CARS1: variants seen among roughly 807,000 people sequenced by gnomAD.
The protein encoded by CARS1 is cysteinyl-tRNA synthetase 1.
A neutral mutation model predicts 106.2 loss-of-function variants in CARS1; 48 were observed. The ratio of observed to expected loss-of-function variants is 0.45; its 90% CI spans 0.36 to 0.57. The LOEUF is 0.57. Ranked by LOEUF, CARS1 falls within the 20% of genes least tolerant of loss-of-function variation. The pLI, the probability that CARS1 is intolerant of heterozygous loss-of-function variation, is 0.00. For synonymous variants in CARS1, 409 were observed against 403.4 expected (o/e 1.01, Z -0.17); for missense variants, 968 against 1,057.2 (o/e 0.92, Z 1.17).
chr11:3,044,695 T>C lies in CARS1; in HGVS notation c.275-2439A>G, dbSNP rs1854900399. On this transcript the variant is annotated intron_variant, in intron 2 of 22. Coordinates refer to ENST00000380525, the MANE Select transcript of CARS1 (RefSeq NM_001014437.3). The surrounding 1 kb of genome is among the most constrained non-coding windows in gnomAD (Gnocchi z 4.4). ...CAGGTGTGAGCCACCGCGCCTGGCC[T>C]GTGCTTTTGTTTCTTTGGAAAAAAT... 6.6e-6 allele frequency among the ~76,000 whole-genome samples: 1 copy of C among 151,650 alleles called. No individual in the cohort carries two copies. Among genetic ancestry groups the C allele is most frequent in the Non-Finnish European group, 1.5e-5 (1 of 67,972 alleles).
Position 3,045,118 on chromosome 11 carries a change from C to A in CARS1, c.274+2635G>T, listed in dbSNP as rs1272466121. 6.6e-6 allele frequency among the ~76,000 whole-genome samples: 1 copy of A among 152,108 alleles called. No homozygotes were observed. The highest frequency in any genetic ancestry group is 1.5e-5 in the Non-Finnish European group (1 of 68,020). On this transcript the variant is annotated intron_variant, in intron 2 of 22. Transcript: ENST00000380525. This position sits in a 1 kb window ranked among gnomAD's most constrained non-coding sequence, Gnocchi z 5.6. ...GGCTGGAAGGGCTGAGCCTCCACTG[C>A]GGGTGAGAAGTGCTCAACAAGTTCA...
rs763050143 is a variant in CARS1, at chr11:3,002,592, C to G, written c.2226G>C (p.Glu742Asp). ...CCTCCTCTTTCTTCTTCCTCTTCTC[C>G]TCTTCAACCTGGAGGGTCAATACAG... ...KEREEKRRVEEEKRKKKEEAA... is the reference protein window; with the variant it reads ...KEREEKRRVEDEKRKKKEEAA... The change falls in exon 21 of 23, where the codon GAG becomes GAC. Residue 742 changes from glutamate (E) to aspartate (D), a missense_variant. Coordinates refer to ENST00000380525, the MANE Select transcript of CARS1 (RefSeq NM_001014437.3). 3.7e-6 allele frequency: 6 copies of G among 1,614,064 alleles called. No homozygotes were observed. In the East Asian group the frequency reaches 1.1e-4, roughly 30 times the overall value.
Position 3,029,094 on chromosome 11 carries a change from A to C in CARS1, c.943-10T>G. The C allele has an allele frequency of 2.5e-6, 4 of 1,597,206 alleles. No homozygotes were observed. Among genetic ancestry groups the C allele is most frequent in the Non-Finnish European group, 3.4e-6 (4 of 1,164,588 alleles). Reference sequence around the variant, plus strand: ...CATCTGGAGGGAGAACCTGTGCAAGACATGAGAATGTCCTGGGATTTTCCC... The same window carrying C: ...CATCTGGAGGGAGAACCTGTGCAAGCCATGAGAATGTCCTGGGATTTTCCC... On this transcript the variant is annotated splice_polypyrimidine_tract_variant and intron_variant, in intron 8 of 22. Transcript: ENST00000380525. The surrounding 1 kb of genome is among the most constrained non-coding windows in gnomAD (Gnocchi z 5.9).
intron 1 of CARS1, among the ~76,000 whole-genome samples, chr11:3,056,184 C>G (rs537875446): frequency 2.0e-5 from 3 of 152,316 alleles, no homozygotes; most frequent in Admixed American, 2.0e-4. Context: ...CTATCTATAA[C>G]CCAATAAACC....
intron 7 of CARS1, among the ~76,000 whole-genome samples, chr11:3,035,165 G>A (rs1317528294): frequency 2.6e-5 from 4 of 152,178 alleles, no homozygotes; most frequent in Non-Finnish European, 5.9e-5. Context: ...TTCAGCATGA[G>A]TTTTGGAGGG....
chr11:3,028,507 G>A lies in CARS1; in HGVS notation c.1031+489C>T, dbSNP rs1333760179. On this transcript the variant is annotated intron_variant, in intron 9 of 22. Transcript: ENST00000380525. The surrounding 1 kb of genome is among the most constrained non-coding windows in gnomAD (Gnocchi z 4.4). The stretch of plus-strand genomic sequence containing the variant: ...GCATTTCCATTTGTTGGCCATTTCT[G>A]AAAATGCTTACTTTGGAGATTGAGA... 2 of 220,064 alleles carry A rather than the reference G, an allele frequency of 9.1e-6. No individual in the cohort carries two copies. 13.6% of individuals were successfully genotyped at this position (220,064 alleles called of 1,614,324 possible). A position where few individuals can be genotyped will look rare whatever the true frequency, so the allele number is the denominator to read the frequency against.
rs1462422560 is a variant in CARS1 at position 3,004,577 on chromosome 11, G to A, written c.2217+789C>T. Among the ~76,000 whole-genome samples the A allele has an allele frequency of 6.6e-6, 1 of 152,192 alleles. No homozygotes were observed. Among genetic ancestry groups the A allele is most frequent in the African/African-American group, 2.4e-5 (1 of 41,460 alleles). On this transcript the variant is annotated intron_variant, in intron 20 of 22. Transcript: ENST00000380525. This position sits in a 1 kb window ranked among gnomAD's most constrained non-coding sequence, Gnocchi z 5.2. The stretch of plus-strand genomic sequence containing the variant: ...TCCCATGGTGTGCACTGGGGGCCCA[G>A]GTGCCTCTCATCCTGCTGCCTGCAT...
rs550639854 is a variant in CARS1, at chr11:3,033,007, G to T, written c.802-3564C>A. The stretch of plus-strand genomic sequence containing the variant: ...GTGAGGTGGGTAGGGGATATATATA[G>T]CCTCTCAATTCTGATGTGAACCAGA... On this transcript the variant is annotated intron_variant, in intron 7 of 22. Coordinates refer to ENST00000380525, the MANE Select transcript of CARS1 (RefSeq NM_001014437.3). 2.6e-5 allele frequency among the ~76,000 whole-genome samples: 4 copies of T among 151,436 alleles called. No individual in the cohort carries two copies. In the East Asian group the frequency reaches 5.8e-4, roughly 22 times the overall value.
chr11:3,055,776 A>C (rs559032950), intron 1 of CARS1, among the ~76,000 whole-genome samples: 18 of 152,266 alleles, frequency 1.2e-4, no homozygotes, highest in Non-Finnish European at 2.2e-4. Context: ...GAAAACAAAC[A>C]GGCCCTAACT....
rs1470671113 is a variant in CARS1 at position 3,044,972 on chromosome 11, T to C, written c.275-2716A>G. Among the ~76,000 whole-genome samples, 2 of 151,964 alleles carry C rather than the reference T, an allele frequency of 1.3e-5. No individual in the cohort carries two copies. Among genetic ancestry groups the C allele is most frequent in the Non-Finnish European group, 2.9e-5 (2 of 68,002 alleles). On this transcript the variant is annotated intron_variant, in intron 2 of 22. Transcript: ENST00000380525. The surrounding 1 kb of genome is among the most constrained non-coding windows in gnomAD (Gnocchi z 4.4). The stretch of plus-strand genomic sequence containing the variant: ...AGTTAAGGGTCCTCCATCGGAGGGG[T>C]GAGAGCAACACCAAACCTTCATGTT...
rs1422584249 is a variant in CARS1, at chr11:3,052,445, CAG to C, written c.26-4446_26-4445del. Reference sequence around the variant, plus strand: ...TATTGTAATAGCCGCATGCTACACACAGAGAATTTCCTGGAGTTTTCCTAGGG... The same window carrying C: ...TATTGTAATAGCCGCATGCTACACACAGAATTTCCTGGAGTTTTCCTAGGG... On this transcript the variant is annotated intron_variant, in intron 1 of 22. Transcript: ENST00000380525. The surrounding 1 kb of genome is among the most constrained non-coding windows in gnomAD (Gnocchi z 4.6). Among the ~76,000 whole-genome samples the C allele has an allele frequency of 6.6e-6, 1 of 152,228 alleles. No homozygotes were observed.
rs1851491278 is a variant in CARS1 at position 3,020,694 on chromosome 11, A to T, written c.1154-362T>A. The stretch of plus-strand genomic sequence containing the variant: ...CTGGGCTAAAGCTAGGAGGTGACAT[A>T]GTGGTGCAGCCACTGGGGCATGGCT... On this transcript the variant is annotated intron_variant, in intron 10 of 22. Coordinates refer to ENST00000380525, the MANE Select transcript of CARS1 (RefSeq NM_001014437.3). The surrounding 1 kb of genome is among the most constrained non-coding windows in gnomAD (Gnocchi z 4.6). 6.6e-6 allele frequency among the ~76,000 whole-genome samples: 1 copy of T among 152,192 alleles called. No individual in the cohort carries two copies.
intron 7 of CARS1, among the ~76,000 whole-genome samples, chr11:3,033,051 CTTTTT>C (rs907703020): frequency 6.9e-6 from 1 of 145,438 alleles, no homozygotes; most frequent in Non-Finnish European, 1.5e-5. Context: ...TAAAAAAAAA[CTTTTT>C]TTTTTTCTAA....
chr11:3,025,862 C>T (rs559221169), intron 10 of CARS1, among the ~76,000 whole-genome samples: 2 of 152,310 alleles, frequency 1.3e-5, no homozygotes, highest in African/African-American at 4.8e-5. Context: ...ATGCATCACT[C>T]GGCACACATC....
chr11:3,007,037 G>T, intron 18 of CARS1, 78 bp from the exon 19 acceptor site: 1 of 1,210,014 alleles, frequency 8.3e-7, no homozygotes, highest in Non-Finnish European at 1.2e-6. Context: ...CCAGTGCTGG[G>T]GAAGGAGGGG....
Position 3,040,807 on chromosome 11 carries a change from T to C in CARS1, c.455+89A>G, listed in dbSNP as rs939944233. The C allele has an allele frequency of 6.9e-6, 9 of 1,312,490 alleles. No individual in the cohort carries two copies. In the African/African-American group the frequency reaches 1.0e-4, roughly 15 times the overall value. 81.3% of individuals were successfully genotyped at this position (1,312,490 alleles called of 1,614,324 possible). A position where few individuals can be genotyped will look rare whatever the true frequency, so the allele number is the denominator to read the frequency against. On this transcript the variant is annotated intron_variant, in intron 4 of 22. Coordinates refer to ENST00000380525, the MANE Select transcript of CARS1 (RefSeq NM_001014437.3). The surrounding 1 kb of genome is among the most constrained non-coding windows in gnomAD (Gnocchi z 5.8). The stretch of plus-strand genomic sequence containing the variant: ...CTCTGTAGCAGATCTAAGATCTTTG[T>C]GGACCTAAGATCGCTGCTGTGGATC...
Position 3,029,058 on chromosome 11 carries a change from C to G in CARS1, c.969G>C (p.Arg323=), listed in dbSNP as rs776866067. The stretch of plus-strand genomic sequence containing the variant: ...CAATTTCTGGCACATACTCACTAAC[C>G]CGGGTTAAGACATCTGGAGGGAGAA... ...LNVLPPDVLT[R]VSEYVPEIVN... Residue 323 remains arginine (R), a synonymous_variant, in exon 9 of 23, where the codon CGG becomes CGC. Transcript: ENST00000380525. This position sits in a 1 kb window ranked among gnomAD's most constrained non-coding sequence, Gnocchi z 5.9. 1 of 1,613,852 alleles carries G rather than the reference C, an allele frequency of 6.2e-7. No homozygotes were observed. The highest frequency in any genetic ancestry group is 1.7e-5 in the Admixed American group (1 of 60,024).
chr11:3,007,005 G>GC, intron 18 of CARS1, 46 bp from the exon 19 acceptor site: 4 of 1,500,086 alleles, frequency 2.7e-6, no homozygotes, highest in Non-Finnish European at 3.7e-6. Context: ...AGGAGCCAGG[G>GC]CCCACACAAC....
rs1565070883 is a variant in CARS1 at position 3,030,234 on chromosome 11, C to T, written c.802-791G>A. Reference sequence around the variant, plus strand: ...GAGAGAAAAAGTGTAGGAAAATGGCCTGGCAGACAGCAAGGACACAGGGTG... The same window carrying T: ...GAGAGAAAAAGTGTAGGAAAATGGCTTGGCAGACAGCAAGGACACAGGGTG... On this transcript the variant is annotated intron_variant, in intron 7 of 22. Coordinates refer to ENST00000380525, the MANE Select transcript of CARS1 (RefSeq NM_001014437.3). This position sits in a 1 kb window ranked among gnomAD's most constrained non-coding sequence, Gnocchi z 5.7. 1 of 152,258 alleles carries T rather than the reference C, an allele frequency of 6.6e-6. No individual in the cohort carries two copies. Among genetic ancestry groups the T allele is most frequent in the Non-Finnish European group, 1.5e-5 (1 of 68,152 alleles). The allele number at this position is 152,258 out of a possible 1,614,324, so 9.4% of individuals were successfully genotyped here.
Sources: allele counts gnomAD v4.1 joint callset (sites outside exome capture counted in the v4.1 genomes callset), GRCh38; gene constraint gnomAD v4.1.1; non-coding constraint Gnocchi (gnomAD v3.1); transcripts MANE v1.5; gene names NCBI Gene and HGNC (gene_info 2026-07-23, HGNC 2026-07-21).